The following LRRC28 variants were observed in gnomAD, a reference collection of about 807,000 sequenced individuals.
LRRC28 encodes leucine-rich repeat-containing protein 28.
Under a neutral mutation model 45.7 loss-of-function variants are expected in LRRC28, and 39 were observed. The ratio of observed to expected loss-of-function variants is 0.85; its 90% CI spans 0.66 to 1.12. The LOEUF (loss-of-function observed/expected upper bound fraction) is 1.12, where lower values mean the gene tolerates loss of function less well. Ranked by LOEUF, LRRC28 falls within the 50% of genes most tolerant of loss-of-function variation. LRRC28 has a pLI of 0.00. For missense variants in LRRC28, 435 were observed against 438.5 expected (o/e 0.99, Z 0.07); for synonymous variants, 206 against 178.8 (o/e 1.15, Z -1.22).
chr15:99,283,615 C>CA (rs59399248), intron 3 of LRRC28, among the ~76,000 whole-genome samples: 55,207 of 89,692 alleles, frequency 0.62, 16,530 homozygotes, highest in Middle Eastern at 0.68. Flanking sequence ...GACTCCTTCT[C>CA]AAAAAAAAAA....
At chr15:99,289,098 C>G (rs1375173584) in intron 5 of LRRC28, among the ~76,000 whole-genome samples, 4 of 152,036 alleles carry the variant, frequency 2.6e-5, no homozygotes, top group Non-Finnish European at 5.9e-5. Context: ...ATGAATGTGC[C>G]TTATAGATAG....
At chr15:99,362,742 A>G (rs975944771) in intron 8 of LRRC28, among the ~76,000 whole-genome samples, 1 of 152,156 alleles carries the variant, frequency 6.6e-6, no homozygotes. Flanking sequence ...AGTTTTAGTC[A>G]TCAGTTCCAA....
intron 6 of LRRC28, among the ~76,000 whole-genome samples, chr15:99,337,224 G>A (rs953536580): frequency 9.9e-5 from 15 of 152,202 alleles, no homozygotes; most frequent in African/African-American, 3.6e-4. Context: ...ATGTGCCAAG[G>A]TGGCAGTGTT....
chr15:99,372,166 A>G (rs1280676248), intron 9 of LRRC28, among the ~76,000 whole-genome samples: 2 of 152,178 alleles, frequency 1.3e-5, no homozygotes. Flanking sequence ...TTAATCAGGA[A>G]ACATATTTGC....
At chr15:99,288,092 G>A (rs1044785885) in intron 5 of LRRC28, 141 bp downstream of exon 5, 20 of 790,444 alleles carry the variant, frequency 2.5e-5, no homozygotes, top group South Asian at 4.4e-5. Flanking sequence ...CTAAAGAATG[G>A]GTGAAATATT....
intron 5 of LRRC28, among the ~76,000 whole-genome samples, chr15:99,311,278 A>G (rs1293056652): frequency 6.6e-6 from 1 of 152,152 alleles, no homozygotes; most frequent in East Asian, 1.9e-4. Context: ...GCACTCAGAA[A>G]TCTTTGGATT....
At chr15:99,383,623 T>C (rs1005910076) in intron 9 of LRRC28, among the ~76,000 whole-genome samples, 1 of 152,234 alleles carries the variant, frequency 6.6e-6, no homozygotes, top group Non-Finnish European at 1.5e-5. Context: ...TATGAACTCT[T>C]GCAGGATTTT....
At chr15:99,329,783 C>CG (rs1192765105) in intron 5 of LRRC28, among the ~76,000 whole-genome samples, 1 of 152,214 alleles carries the variant, frequency 6.6e-6, no homozygotes, top group East Asian at 1.9e-4. Context: ...TTAGGTTGTT[C>CG]ATCATGGTAT....
chr15:99,292,413 G>A (rs1263059653), intron 5 of LRRC28, among the ~76,000 whole-genome samples: 2 of 144,536 alleles, frequency 1.4e-5, no homozygotes, highest in East Asian at 2.2e-4. Flanking sequence ...GCCGGACTGC[G>A]GACTGCAGTG....
At chr15:99,322,387 G>A (rs1289344382) in intron 5 of LRRC28, among the ~76,000 whole-genome samples, 1 of 152,220 alleles carries the variant, frequency 6.6e-6, no homozygotes, top group East Asian at 1.9e-4. Flanking sequence ...GCAAGAGATG[G>A]TAATAGGGTG....
At chr15:99,298,339 T>C (rs12592863) in intron 5 of LRRC28, among the ~76,000 whole-genome samples, 14,680 of 152,142 alleles carry the variant, frequency 0.096, 990 homozygotes, top group East Asian at 0.32. Flanking sequence ...GCAGATGTGA[T>C]TTGTGGGGAC....
intron 5 of LRRC28, among the ~76,000 whole-genome samples, chr15:99,305,569 C>T (rs1037829333): frequency 6.6e-6 from 1 of 152,108 alleles, no homozygotes; most frequent in East Asian, 1.9e-4. Context: ...AATTCTAACA[C>T]TTTCAGGATT....
chr15:99,389,421 G>A lies in LRRC28; in HGVS notation c.*3319G>A, dbSNP rs1034402559. Reference sequence around the variant, plus strand: ...ATTTTTAAAATTAGTAGTAGTAAAGGTTTTTCCCTTTCCTGAATGAAAAAT... The same window carrying A: ...ATTTTTAAAATTAGTAGTAGTAAAGATTTTTCCCTTTCCTGAATGAAAAAT... On this transcript the variant is annotated 3_prime_UTR_variant, in exon 10 of 10. Coordinates refer to ENST00000301981, the MANE Select transcript of LRRC28 (RefSeq NM_144598.5). 3 of 152,072 alleles carry A rather than the reference G, an allele frequency of 2.0e-5. No individual in the cohort carries two copies. Among genetic ancestry groups the A allele is most frequent in the African/African-American group, 7.3e-5 (3 of 41,342 alleles). The allele number at this position is 152,072 out of a possible 1,614,324, so 9.4% of individuals were successfully genotyped here.
At chr15:99,321,220 T>G (rs1298708320) in intron 5 of LRRC28, among the ~76,000 whole-genome samples, 1 of 152,196 alleles carries the variant, frequency 6.6e-6, no homozygotes, top group Non-Finnish European at 1.5e-5. Flanking sequence ...AAAATATGAA[T>G]GAACACATAT....
chr15:99,367,378 C>T (rs192102500), intron 9 of LRRC28, among the ~76,000 whole-genome samples: 1 of 152,268 alleles, frequency 6.6e-6, no homozygotes, highest in Admixed American at 6.5e-5. Context: ...CGAGTGGCCA[C>T]GTCTGGTGAG....
chr15:99,258,984 T>C, intron 2 of LRRC28: 1 of 760,702 alleles, frequency 1.3e-6, no homozygotes, highest in Non-Finnish European at 2.5e-6. Context: ...CATAAACTGC[T>C]TAAGGTGATT....
chr15:99,264,705 AG>A (rs1259678226), intron 2 of LRRC28, among the ~76,000 whole-genome samples: 1 of 152,174 alleles, frequency 6.6e-6, no homozygotes, highest in Non-Finnish European at 1.5e-5. Context: ...TTGACAGCAA[AG>A]GAGATTTTTC....
chr15:99,351,281 G>A (rs1175130081), intron 6 of LRRC28, among the ~76,000 whole-genome samples: 1 of 152,162 alleles, frequency 6.6e-6, no homozygotes, highest in Non-Finnish European at 1.5e-5. Context: ...TATCTGAGAA[G>A]TGTCTCCACC....
rs1048696953 is a variant in LRRC28 at position 99,251,496 on chromosome 15, T to C, written c.-106T>C. The C allele has an allele frequency of 6.6e-6, 1 of 152,000 alleles. No homozygotes were observed. The highest frequency in any genetic ancestry group is 2.4e-5 in the African/African-American group (1 of 41,362). The allele number at this position is 152,000 out of a possible 1,614,324, so 9.4% of individuals were successfully genotyped here. ...CCCGCCCGCCGTCCCCCGCTTGGCT[T>C]CCAGCGCCGCTTGCGCTCCGGAGCG... On this transcript the variant is annotated 5_prime_UTR_variant, in exon 1 of 10. Transcript: ENST00000301981.
Sources: gnomAD v4.1 joint callset for allele counts (sites outside exome capture counted in the v4.1 genomes callset) on GRCh38, gnomAD v4.1.1 for gene constraint, MANE v1.5 for transcripts, NCBI Gene and HGNC (gene_info 2026-07-23, HGNC 2026-07-21) for gene names.